The following CLDN14 variants were observed in gnomAD, a reference collection of about 807,000 sequenced individuals.
CLDN14 encodes the protein claudin-14.
A neutral mutation model predicts 2.1 loss-of-function variants in CLDN14; 2 were observed. The ratio of observed to expected loss-of-function variants is 0.96; its 90% CI spans 0.39 to 3.01. The LOEUF (loss-of-function observed/expected upper bound fraction) is 3.01. Ranked by LOEUF, CLDN14 falls within the 30% of genes most tolerant of loss-of-function variation. The pLI is 0.09. For synonymous variants in CLDN14, 136 were observed against 154.4 expected (o/e 0.88, Z 0.88); for missense variants, 298 against 328.0 (o/e 0.91, Z 0.71).
At chr21:36,554,205 T>G (rs1483983936) in intron 1 of CLDN14, among the ~76,000 whole-genome samples, 1 of 152,180 alleles carries the variant, frequency 6.6e-6, no homozygotes, top group Admixed American at 6.5e-5. Context: ...TATGGCCCTT[T>G]CATGAGACAG....
intron 1 of CLDN14, among the ~76,000 whole-genome samples, chr21:36,470,335 T>C (rs1253733294): frequency 6.6e-6 from 1 of 152,144 alleles, no homozygotes; most frequent in African/African-American, 2.4e-5. Context: ...CTGGTGTCCT[T>C]ATAAGAGGAT....
intron 1 of CLDN14, among the ~76,000 whole-genome samples, chr21:36,548,193 C>T (rs1182102915): frequency 6.6e-6 from 1 of 151,966 alleles, no homozygotes; most frequent in Non-Finnish European, 1.5e-5. Context: ...CCTCCACTCC[C>T]CTAGTAAGTC....
rs190878760 is a variant in CLDN14 at position 36,494,915 on chromosome 21, C to G, written c.-82+15448G>C. On this transcript the variant is annotated intron_variant, in intron 2 of 2. Transcript: ENST00000342108. ...GACCACAGGTCTTCCTGTGCATCCC[C>G]GTAGACATCTGTATCCAGACGAGGA... Among the ~76,000 whole-genome samples the G allele has an allele frequency of 8.5e-5, 13 of 152,336 alleles. No individual in the cohort carries two copies. In the East Asian group the frequency reaches 1.2e-3, roughly 14 times the overall value.
At chr21:36,569,407 C>T (rs147161514) in intron 1 of CLDN14, among the ~76,000 whole-genome samples, 4 of 146,104 alleles carry the variant, frequency 2.7e-5, no homozygotes, top group African/African-American at 7.6e-5. Context: ...CAGAGTGAGA[C>T]TCCGTCTCAA....
At chr21:36,575,579 CA>C (rs1278844990) in intron 1 of CLDN14, among the ~76,000 whole-genome samples, 1 of 152,218 alleles carries the variant, frequency 6.6e-6, no homozygotes, top group Non-Finnish European at 1.5e-5. Context: ...AAACCACAAG[CA>C]AGTGCCACTG....
chr21:36,522,078 C>G (rs1400465262), intron 1 of CLDN14, among the ~76,000 whole-genome samples: 1 of 152,182 alleles, frequency 6.6e-6, no homozygotes, highest in South Asian at 2.1e-4. Flanking sequence ...AAGCAAAAAT[C>G]TTGGACTCCT....
At chr21:36,489,131 A>AAAATATATATATATAT in intron 2 of CLDN14, among the ~76,000 whole-genome samples, 11 of 62,748 alleles carry the variant, frequency 1.8e-4, no homozygotes, top group African/African-American at 6.4e-4. Context: ...AAAAAAAAAA[A>AAAATATATATATATAT]ATATATATAT....
chr21:36,527,830 A>G (rs8134973), intron 1 of CLDN14, among the ~76,000 whole-genome samples: 52,652 of 151,526 alleles, frequency 0.35, 10,949 homozygotes, highest in African/African-American at 0.59. Context: ...TCTGTATCTC[A>G]GGGGGAAGAA....
At chr21:36,550,172 TAGG>T (rs1294057855) in intron 1 of CLDN14, among the ~76,000 whole-genome samples, 2 of 152,208 alleles carry the variant, frequency 1.3e-5, no homozygotes, top group African/African-American at 4.8e-5. Context: ...CCCAGAGTAC[TAGG>T]AGGACACAAC....
chr21:36,479,677 CTAGA>C lies in CLDN14; in HGVS notation c.-268_-265del. On this transcript the variant is annotated 5_prime_UTR_variant, in exon 1 of 2. It removes the in-frame stop codon of an upstream open reading frame in the 5' UTR. Coordinates refer to ENST00000399135, the MANE Select transcript of CLDN14 (RefSeq NM_001146079.2). The stretch of plus-strand genomic sequence containing the variant: ...GACGGAGTATTTGAGAGAAAATTGT[CTAGA>C]CAATTACAGTGTTCCTTAGAATGGC... The C allele has an allele frequency of 6.6e-6, 1 of 152,066 alleles. No individual in the cohort carries two copies. The highest frequency in any genetic ancestry group is 1.9e-4 in the East Asian group (1 of 5,188). The allele number at this position is 152,066 out of a possible 1,614,324, so 9.4% of individuals were successfully genotyped here. A position where few individuals can be genotyped will look rare whatever the true frequency, so the allele number is the denominator to read the frequency against.
chr21:36,499,936 G>A lies in CLDN14; in HGVS notation c.-82+10427C>T, dbSNP rs1272642781. On this transcript the variant is annotated intron_variant, in intron 2 of 2. Transcript: ENST00000342108. The surrounding 1 kb of genome is among the most constrained non-coding windows in gnomAD (Gnocchi z 4.7). ...AACCCCGGGAGCAGTACTGGGCCCA[G>A]AAGCCTGCCCCAGCCGCGCACACAG... 6.6e-6 allele frequency among the ~76,000 whole-genome samples: 1 copy of A among 152,174 alleles called. No individual in the cohort carries two copies. Among genetic ancestry groups the A allele is most frequent in the Non-Finnish European group, 1.5e-5 (1 of 68,022 alleles).
intron 1 of CLDN14, among the ~76,000 whole-genome samples, chr21:36,575,289 A>T (rs577892256): frequency 3.2e-4 from 49 of 152,314 alleles, no homozygotes; most frequent in African/African-American, 9.9e-4. Context: ...TCAGCAAATG[A>T]TAGCTAATAA....
chr21:36,566,639 A>G (rs1207238592), intron 1 of CLDN14, among the ~76,000 whole-genome samples: 1 of 152,218 alleles, frequency 6.6e-6, no homozygotes, highest in East Asian at 1.9e-4. Flanking sequence ...GGAATGATTT[A>G]GATGGCCTTG....
intron 1 of CLDN14, among the ~76,000 whole-genome samples, chr21:36,534,535 A>G (rs1280776188): frequency 6.6e-6 from 1 of 152,176 alleles, no homozygotes; most frequent in Non-Finnish European, 1.5e-5. Flanking sequence ...TCTCTCTTCC[A>G]TATCAACATG....
chr21:36,527,644 C>A (rs555624954), intron 1 of CLDN14, among the ~76,000 whole-genome samples: 4 of 152,222 alleles, frequency 2.6e-5, no homozygotes, highest in Admixed American at 1.3e-4. Context: ...CCTTGTTGTA[C>A]CTGCACTAAA....
chr21:36,497,443 G>A lies in CLDN14; in HGVS notation c.-82+12920C>T, dbSNP rs185488918. 7.9e-4 allele frequency among the ~76,000 whole-genome samples: 113 copies of A among 142,552 alleles called. 6 individuals are homozygous for A. Among genetic ancestry groups the A allele is most frequent in the African/African-American group, 3.0e-3 (109 of 36,664 alleles). 93.5% of individuals were successfully genotyped at this position (142,552 alleles called of 152,430 possible). A position where few individuals can be genotyped will look rare whatever the true frequency, so the allele number is the denominator to read the frequency against. ...GGAGGGAGGCAGGCGGCAGGCACAC[G>A]CACACAGGCTCTCTTTGCTTTCCAA... On this transcript the variant is annotated intron_variant, in intron 2 of 2. Coordinates refer to the CLDN14 transcript ENST00000342108.
intron 2 of CLDN14, among the ~76,000 whole-genome samples, chr21:36,503,931 T>A (rs2087109794): frequency 6.6e-6 from 1 of 151,470 alleles, no homozygotes; most frequent in Non-Finnish European, 1.5e-5. Flanking sequence ...ATATGAAAAA[T>A]TATATTTTGA....
intron 1 of CLDN14, among the ~76,000 whole-genome samples, chr21:36,540,417 C>A (rs1363183190): frequency 6.6e-6 from 1 of 152,050 alleles, no homozygotes; most frequent in Non-Finnish European, 1.5e-5. Context: ...AATGTGGAAC[C>A]TGCGGGTATG....
chr21:36,523,609 G>A (rs891641422), intron 1 of CLDN14, among the ~76,000 whole-genome samples: 2 of 151,454 alleles, frequency 1.3e-5, no homozygotes, highest in Admixed American at 6.6e-5. Context: ...TTAGCCATGC[G>A]TGGTGGTGTG....
Sources: gnomAD v4.1 joint callset for allele counts (sites outside exome capture counted in the v4.1 genomes callset) on GRCh38, gnomAD v4.1.1 for gene constraint, Gnocchi (gnomAD v3.1) non-coding constraint, MANE v1.5 for transcripts, NCBI Gene and HGNC (gene_info 2026-07-23, HGNC 2026-07-21) for gene names.